The following DLGAP2 variants were observed in gnomAD, a reference collection of about 807,000 sequenced individuals.
The protein encoded by DLGAP2 is disks large-associated protein 2.
A neutral mutation model predicts 100.3 loss-of-function variants in DLGAP2; 26 were observed. That is an observed-to-expected ratio of 0.26 (90% CI 0.19 to 0.36). DLGAP2 has a LOEUF of 0.36. Among genes scored for constraint, DLGAP2 ranks in the 10% least tolerant of loss-of-function variants. The probability of loss-of-function intolerance (pLI) is 1.00; values close to 1 mark genes in which losing one functional copy is unlikely to be tolerated. For synonymous variants in DLGAP2, 886 were observed against 630.1 expected (o/e 1.41, Z -6.08); for missense variants, 1,858 against 1,453.2 (o/e 1.28, Z -4.53).
chr8:882,875 G>A (rs1049403412), intron 1 of DLGAP2, among the ~76,000 whole-genome samples: 1 of 152,264 alleles, frequency 6.6e-6, no homozygotes, highest in Non-Finnish European at 1.5e-5. Flanking sequence ...CTTCTCGGCT[G>A]CTCACGCTGC....
chr8:1,593,028 A>C (rs943041854), intron 6 of DLGAP2, among the ~76,000 whole-genome samples: 1 of 152,232 alleles, frequency 6.6e-6, no homozygotes. Flanking sequence ...ATTTGTGATT[A>C]TACATTGCAA....
At chr8:1,082,947 A>G (rs1350571771) in intron 2 of DLGAP2, among the ~76,000 whole-genome samples, 2 of 152,204 alleles carry the variant, frequency 1.3e-5, no homozygotes, top group Non-Finnish European at 2.9e-5. Flanking sequence ...GGGATCTGTT[A>G]TGAAATTATA....
intron 2 of DLGAP2, among the ~76,000 whole-genome samples, chr8:965,552 C>A (rs1221912370): frequency 1.4e-5 from 2 of 142,906 alleles, no homozygotes; most frequent in Admixed American, 6.9e-5. Context: ...CCACACAGGG[C>A]TCCTGAGCCC....
rs138295958 is a variant in DLGAP2, at chr8:1,678,207, T to G, written c.2289-7T>G. 4.9e-4 allele frequency: 791 copies of G among 1,602,452 alleles called. 4 individuals carry two copies. In the African/African-American group the frequency reaches 7.9e-3, roughly 16 times the overall value. On this transcript the variant is annotated splice_polypyrimidine_tract_variant and splice_region_variant and intron_variant, in intron 11 of 14. Coordinates refer to ENST00000637795, the MANE Select transcript of DLGAP2 (RefSeq NM_001346810.2). ...CTACCATCTGTCTTCCTTCCCTCCTTTTGCAGACACGGACGTTTTAAACGT... is the reference window on the plus strand; with the variant it reads ...CTACCATCTGTCTTCCTTCCCTCCTGTTGCAGACACGGACGTTTTAAACGT...
At chr8:1,011,078 G>A (rs1801267341) in intron 2 of DLGAP2, among the ~76,000 whole-genome samples, 1 of 151,840 alleles carries the variant, frequency 6.6e-6, no homozygotes, top group African/African-American at 2.4e-5. Flanking sequence ...AGTCTACACA[G>A]TGAGCCCTGG....
chr8:811,463 G>C (rs1229568075), intron 1 of DLGAP2, among the ~76,000 whole-genome samples: 1 of 149,228 alleles, frequency 6.7e-6, no homozygotes, highest in East Asian at 2.0e-4. Context: ...CTTGGAATGA[G>C]CAGGAACTAT....
intron 2 of DLGAP2, among the ~76,000 whole-genome samples, chr8:1,214,981 A>G (rs534462102): frequency 6.6e-6 from 1 of 152,282 alleles, no homozygotes; most frequent in South Asian, 2.1e-4. Flanking sequence ...GTTTCGGGAG[A>G]GCACTCTGTG....
chr8:786,633 C>T (rs1431356452), intron 1 of DLGAP2, among the ~76,000 whole-genome samples: 11 of 152,036 alleles, frequency 7.2e-5, no homozygotes, highest in African/African-American at 2.4e-4. Context: ...GAGACGGGCG[C>T]TGCCTCGGTG....
chr8:1,174,618 C>G (rs1360422234), intron 2 of DLGAP2, among the ~76,000 whole-genome samples: 1 of 151,806 alleles, frequency 6.6e-6, no homozygotes, highest in African/African-American at 2.4e-5. Context: ...TCACCAAAAT[C>G]ATTATTACTG....
chr8:1,431,551 T>G (rs1797439984), intron 3 of DLGAP2, among the ~76,000 whole-genome samples: 2 of 152,130 alleles, frequency 1.3e-5, no homozygotes, highest in African/African-American at 2.4e-5. Context: ...CAGCAGCCGT[T>G]CATGCACGAG....
intron 3 of DLGAP2, among the ~76,000 whole-genome samples, chr8:1,279,543 A>G (rs1392700783): frequency 6.6e-6 from 1 of 152,208 alleles, no homozygotes; most frequent in African/African-American, 2.4e-5. Context: ...TGCATAATAG[A>G]CTACCGTAAG....
chr8:1,561,313 C>G (rs1197299604), intron 5 of DLGAP2, among the ~76,000 whole-genome samples: 2 of 152,134 alleles, frequency 1.3e-5, no homozygotes, highest in African/African-American at 4.8e-5. Flanking sequence ...TACAATACCT[C>G]CAATTCCCTT....
intron 2 of DLGAP2, among the ~76,000 whole-genome samples, chr8:1,216,611 C>A (rs537123946): frequency 6.6e-6 from 1 of 152,088 alleles, no homozygotes; most frequent in African/African-American, 2.4e-5. Context: ...GCTGAGATTA[C>A]AGGCATGAGC....
Position 1,108,174 on chromosome 8 carries a change from G to A in DLGAP2, c.74-150677G>A, listed in dbSNP as rs901279346. Among the ~76,000 whole-genome samples the A allele has an allele frequency of 3.4e-4, 51 of 152,200 alleles. 1 individual carries two copies. The highest frequency in any genetic ancestry group is 1.2e-3 in the African/African-American group (51 of 41,448). ...GGTAAGAAGAAAGGATAGGAAGGTT[G>A]ATGGGAAATGAATTGGCTGTCACTG... On this transcript the variant is annotated intron_variant, in intron 2 of 14. Coordinates refer to ENST00000637795, the MANE Select transcript of DLGAP2 (RefSeq NM_001346810.2).
chr8:1,425,868 G>A (rs1260558075), intron 3 of DLGAP2, among the ~76,000 whole-genome samples: 1 of 152,210 alleles, frequency 6.6e-6, no homozygotes, highest in Non-Finnish European at 1.5e-5. Flanking sequence ...GGCAGGGAAT[G>A]CGGACTGGAG....
At position 1,039,482 on chromosome 8, in the gene DLGAP2, GTGGTCGGCTCGGTGTGCA is replaced by G. The variant is rs1355190964; in HGVS notation, c.73+131537_73+131554del. ...GGTATGCATGTTCAGCTCGGTTTCC[GTGGTCGGCTCGGTGTGCA>G]TGGTCGGCTCGGTGTGCATGTTCAG... is the stretch of plus-strand genomic sequence containing the variant. On this transcript the variant is annotated intron_variant, in intron 2 of 14. Coordinates refer to ENST00000637795, the MANE Select transcript of DLGAP2 (RefSeq NM_001346810.2). Among the ~76,000 whole-genome samples the G allele has an allele frequency of 2.8e-5, 4 of 140,942 alleles. No individual in the cohort carries two copies. In the East Asian group the frequency reaches 8.9e-4, roughly 31 times the overall value. 92.5% of individuals were successfully genotyped at this position (140,942 alleles called of 152,430 possible).
At chr8:1,286,534 G>A (rs1385000433) in intron 3 of DLGAP2, among the ~76,000 whole-genome samples, 1 of 152,180 alleles carries the variant, frequency 6.6e-6, no homozygotes, top group Non-Finnish European at 1.5e-5. Flanking sequence ...GAGGACCGAG[G>A]CCTGTGTCTG....
At chr8:1,311,037 CACTG>C (rs1251490106) in intron 3 of DLGAP2, among the ~76,000 whole-genome samples, 6 of 150,796 alleles carry the variant, frequency 4.0e-5, no homozygotes, top group Non-Finnish European at 8.9e-5. Flanking sequence ...CCTTGAATGA[CACTG>C]ACAAAGAAAA....
intron 2 of DLGAP2, among the ~76,000 whole-genome samples, chr8:1,170,380 G>C (rs977926535): frequency 1.4e-4 from 22 of 152,170 alleles, no homozygotes; most frequent in African/African-American, 4.3e-4. Context: ...TTTGGTATCA[G>C]GATGATGCTG....
Sources: gnomAD v4.1 joint callset for allele counts (sites outside exome capture counted in the v4.1 genomes callset) on GRCh38, gnomAD v4.1.1 for gene constraint, MANE v1.5 for transcripts, NCBI Gene and HGNC (gene_info 2026-07-23, HGNC 2026-07-21) for gene names.